Variants in PIGX observed in about 807,000 individuals in gnomAD.
PIGX encodes the protein phosphatidylinositol glycan anchor biosynthesis class X, also known as GPI alpha-1,4-mannosyltransferase I, stabilizing subunit.
Under a neutral mutation model 28.7 loss-of-function variants are expected in PIGX, and 24 were observed. That is an observed-to-expected ratio of 0.84 (90% CI 0.60 to 1.17). The LOEUF (loss-of-function observed/expected upper bound fraction) is 1.17. PIGX is among the 50% of genes most tolerant of loss of function. PIGX has a pLI of 0.00. For missense variants in PIGX, 305 were observed against 317.8 expected (o/e 0.96, Z 0.31); for synonymous variants, 127 against 121.0 (o/e 1.05, Z -0.33).
intron 1 of PIGX, among the ~76,000 whole-genome samples, chr3:196,713,836 CAAAAAAAA>C (rs200901752): frequency 9.5e-6 from 1 of 105,732 alleles, no homozygotes; most frequent in African/African-American, 3.5e-5. Flanking sequence ...GACTCTGTCT[CAAAAAAAA>C]AAAAAAAAAG....
chr3:196,729,353 A>T lies in PIGX; in HGVS notation c.532+1217A>T, dbSNP rs192783399. 4.4e-3 allele frequency among the ~76,000 whole-genome samples: 665 copies of T among 152,172 alleles called. 1 individual carries two copies. The highest frequency in any genetic ancestry group is 0.014 in the Middle Eastern group (4 of 294). ...GTCTCAAAAAAAAAATAAAATAAAA[A>T]AAATAAAAAGCTTTTGCAGTTTGCA... On this transcript the variant is annotated intron_variant, in intron 4 of 5. Coordinates refer to ENST00000392391, the MANE Select transcript of PIGX (RefSeq NM_017861.4).
At chr3:196,732,466 G>GAGACAGGGTTTCACTGTGTT (rs1712850134) in intron 5 of PIGX, among the ~76,000 whole-genome samples, 1 of 149,970 alleles carries the variant, frequency 6.7e-6, no homozygotes, top group Non-Finnish European at 1.5e-5. Flanking sequence ...ATTTTTAGTA[G>GAGACAGGGTTTCACTGTGTT]AGACAGGGTT....
rs57881914 is a variant in PIGX, at chr3:196,718,312, T to C, written c.176+1391T>C. 5.0e-3 allele frequency among the ~76,000 whole-genome samples: 757 copies of C among 151,014 alleles called. 11 individuals are homozygous for C. Among genetic ancestry groups the C allele is most frequent in the African/African-American group, 0.018 (734 of 41,164 alleles). On this transcript the variant is annotated intron_variant, in intron 2 of 5. Coordinates refer to ENST00000392391, the MANE Select transcript of PIGX (RefSeq NM_017861.4). ...CAACAGAGCGAGGCAAAACTCCGTC[T>C]GAAGAAAAAAAAAAGGGGGGGAAGG...
chr3:196,715,042 G>C (rs1444579755), intron 1 of PIGX, among the ~76,000 whole-genome samples: 3 of 152,148 alleles, frequency 2.0e-5, no homozygotes, highest in Non-Finnish European at 4.4e-5. Flanking sequence ...TGCAACTGCA[G>C]TGCAGCCTGG....
chr3:196,728,208 T>C, intron 4 of PIGX, 72 bp downstream of exon 4: 1 of 1,265,170 alleles, frequency 7.9e-7, no homozygotes, highest in Non-Finnish European at 1.1e-6. Context: ...CTCCTTCTGC[T>C]AGGCTGGCTG....
Position 196,725,173 on chromosome 3 carries a change from G to A in PIGX, c.318+2617G>A, listed in dbSNP as rs961941162. ...AAGCAGTATAATATTAGATTGAAAC[G>A]TATAAAATTGCTGTTTTGTGGGTCA... On this transcript the variant is annotated intron_variant, in intron 3 of 5. Coordinates refer to ENST00000392391, the MANE Select transcript of PIGX (RefSeq NM_017861.4). Among the ~76,000 whole-genome samples, 5 of 152,190 alleles carry A rather than the reference G, an allele frequency of 3.3e-5. No homozygotes were observed. In the East Asian group the frequency reaches 5.8e-4, roughly 18 times the overall value.
intron 3 of PIGX, among the ~76,000 whole-genome samples, chr3:196,727,026 C>G (rs1273866166): frequency 6.6e-6 from 1 of 152,070 alleles, no homozygotes; most frequent in Non-Finnish European, 1.5e-5. Flanking sequence ...TGAAAAGGAA[C>G]AACATGTAAA....
chr3:196,732,964 C>T (rs552952761), intron 5 of PIGX, among the ~76,000 whole-genome samples: 14 of 152,030 alleles, frequency 9.2e-5, no homozygotes, highest in Non-Finnish European at 1.5e-4. Flanking sequence ...ATGGGAATAA[C>T]AAGGCTTTAA....
chr3:196,716,795 T>C, intron 1 of PIGX, 63 bp from the exon 2 acceptor site: 1 of 780,684 alleles, frequency 1.3e-6, no homozygotes. Context: ...TCTTTTATAA[T>C]TATTTAAATA....
chr3:196,722,308 A>G, intron 2 of PIGX, 107 bp from the exon 3 acceptor site: 1 of 789,774 alleles, frequency 1.3e-6, no homozygotes, highest in Non-Finnish European at 2.0e-6. Flanking sequence ...CTACTTTTGG[A>G]AAATGAATTT....
chr3:196,728,962 C>T (rs78210598), intron 4 of PIGX, among the ~76,000 whole-genome samples: 4,613 of 152,118 alleles, frequency 0.03, 103 homozygotes, highest in Non-Finnish European at 0.041. Flanking sequence ...AGTTTTGTTG[C>T]AGATTTTGTC....
At chr3:196,725,115 A>AT (rs1248224582) in intron 3 of PIGX, among the ~76,000 whole-genome samples, 2 of 152,170 alleles carry the variant, frequency 1.3e-5, no homozygotes, top group Admixed American at 6.5e-5. Context: ...TATTAAACAT[A>AT]TTTTTTCATC....
intron 4 of PIGX, 54 bp from the exon 5 acceptor site, chr3:196,730,938 A>G: frequency 3.9e-6 from 4 of 1,035,098 alleles, no homozygotes; most frequent in Non-Finnish European, 6.0e-6. Context: ...ATACAAGCCT[A>G]GCTTTCAGTC....
chr3:196,730,348 G>A (rs1407905541), intron 4 of PIGX, among the ~76,000 whole-genome samples: 2 of 151,946 alleles, frequency 1.3e-5, no homozygotes, highest in South Asian at 4.1e-4. Context: ...GAAATTTATC[G>A]AGTTTTGCAC....
At chr3:196,714,651 G>C (rs1472513989) in intron 1 of PIGX, among the ~76,000 whole-genome samples, 1 of 152,084 alleles carries the variant, frequency 6.6e-6, no homozygotes, top group Non-Finnish European at 1.5e-5. Context: ...TAGTAAAGAC[G>C]GGGTTTCACC....
Position 196,714,768 on chromosome 3 carries a change from C to CT in PIGX, c.113-2082dup, listed in dbSNP as rs1471752498. On this transcript the variant is annotated intron_variant, in intron 1 of 5. Coordinates refer to ENST00000392391, the MANE Select transcript of PIGX (RefSeq NM_017861.4). Reference sequence around the variant, plus strand: ...AGTCACTGCACCCAGGCTATTTGTTCTTTTTTTTAAGAGGCAGAGCCTTGC... The same window carrying CT: ...AGTCACTGCACCCAGGCTATTTGTTCTTTTTTTTTAAGAGGCAGAGCCTTGC... 4.6e-5 allele frequency among the ~76,000 whole-genome samples: 7 copies of CT among 152,058 alleles called. No individual in the cohort carries two copies. The East Asian group carries it at 5.8e-4, about 13-fold the overall frequency.
rs1193712294 is a variant in PIGX at position 196,735,184 on chromosome 3, A to G, written c.*1282A>G. On this transcript the variant is annotated 3_prime_UTR_variant, in exon 6 of 6. Transcript: ENST00000392391. ...GTGGTGCATACCTGTAGTCCCAGCTACTCGGGAGGCTGAGGCAGGAGAATG... is the reference window on the plus strand; with the variant it reads ...GTGGTGCATACCTGTAGTCCCAGCTGCTCGGGAGGCTGAGGCAGGAGAATG... 6.7e-6 allele frequency: 1 copy of G among 148,620 alleles called. No homozygotes were observed. The highest frequency in any genetic ancestry group is 2.5e-5 in the African/African-American group (1 of 40,292). 9.2% of individuals were successfully genotyped at this position (148,620 alleles called of 1,614,324 possible).
At position 196,721,151 on chromosome 3, in the gene PIGX, CT is replaced by C. The variant is rs772830290; in HGVS notation, c.177-1263del. Reference sequence around the variant, plus strand: ...CAGCCATTATATCTTCATTTTTTTTCTGTTACATTCTCTTCTCTTTTTTAGG... The same window carrying C: ...CAGCCATTATATCTTCATTTTTTTTCGTTACATTCTCTTCTCTTTTTTAGG... On this transcript the variant is annotated intron_variant, in intron 2 of 5. Transcript: ENST00000392391. The C allele has an allele frequency of 5.9e-5, 21 of 354,138 alleles. 1 individual carries two copies. The highest frequency in any genetic ancestry group is 4.5e-4 in the South Asian group (21 of 46,414). 21.9% of individuals were successfully genotyped at this position (354,138 alleles called of 1,614,324 possible).
At chr3:196,714,291 C>G (rs1711992040) in intron 1 of PIGX, among the ~76,000 whole-genome samples, 1 of 152,098 alleles carries the variant, frequency 6.6e-6, no homozygotes, top group Non-Finnish European at 1.5e-5. Context: ...TAGCAAGACC[C>G]TGTCTCTGCA....
Sources: allele counts gnomAD v4.1 joint callset (sites outside exome capture counted in the v4.1 genomes callset), GRCh38; gene constraint gnomAD v4.1.1; transcripts MANE v1.5; gene names NCBI Gene and HGNC (gene_info 2026-07-23, HGNC 2026-07-21).